Variants in LYST observed in about 807,000 individuals in gnomAD.
The protein encoded by LYST is lysosomal-trafficking regulator.
A neutral mutation model predicts 413.6 loss-of-function variants in LYST; 192 were observed. The ratio of observed to expected loss-of-function variants is 0.46; its 90% CI spans 0.41 to 0.52. LYST has a LOEUF of 0.52. Among genes scored for constraint, LYST ranks in the 20% least tolerant of loss-of-function variants. The pLI, the probability that LYST is intolerant of heterozygous loss-of-function variation, is 0.00. For synonymous variants in LYST, 1,525 were observed against 1,567.3 expected (o/e 0.97, Z 0.64); for missense variants, 3,815 against 4,499.9 (o/e 0.85, Z 4.35).
intron 47 of LYST, among the ~76,000 whole-genome samples, chr1:235,689,881 T>C (rs1399329809): frequency 1.3e-5 from 2 of 152,256 alleles, no homozygotes; most frequent in African/African-American, 4.8e-5. Flanking sequence ...AACTAACAAG[T>C]CAATTTACTT....
At chr1:235,729,035 A>T (rs981564951) in intron 37 of LYST, among the ~76,000 whole-genome samples, 3 of 152,280 alleles carry the variant, frequency 2.0e-5, no homozygotes, top group African/African-American at 7.2e-5. Flanking sequence ...GGGTTCTCAC[A>T]CTTGGAGAAC....
intron 14 of LYST, 42 bp from the exon 15 acceptor site, chr1:235,782,129 A>G (rs1669929110): frequency 6.5e-7 from 1 of 1,536,692 alleles, no homozygotes; most frequent in Non-Finnish European, 8.9e-7. Context: ...TGACTTTAGG[A>G]AGTCTAGTAC....
At chr1:235,725,290 C>T (rs1451542696) in intron 38 of LYST, among the ~76,000 whole-genome samples, 4 of 151,820 alleles carry the variant, frequency 2.6e-5, no homozygotes, top group East Asian at 1.9e-4. Context: ...AAAAATTAGT[C>T]GGGAGTGATG....
intron 3 of LYST, among the ~76,000 whole-genome samples, chr1:235,820,500 G>T (rs1674637262): frequency 6.6e-6 from 1 of 151,924 alleles, no homozygotes; most frequent in Non-Finnish European, 1.5e-5. Context: ...CTCCCAAGTA[G>T]CTGGGACTAC....
intron 31 of LYST, chr1:235,738,189 G>A (rs1423381329): frequency 2.5e-5 from 41 of 1,610,028 alleles, no homozygotes; most frequent in Non-Finnish European, 3.4e-5. Flanking sequence ...CGAGATGATG[G>A]ATCTCCACCA....
chr1:235,804,412 C>G, intron 7 of LYST, 92 bp downstream of exon 7: 1 of 979,396 alleles, frequency 1.0e-6, no homozygotes, highest in Non-Finnish European at 1.6e-6. Flanking sequence ...TCCATATGCT[C>G]TAATGACATT....
intron 10 of LYST, among the ~76,000 whole-genome samples, chr1:235,796,959 T>C (rs1486275265): frequency 6.6e-6 from 1 of 152,054 alleles, no homozygotes; most frequent in Non-Finnish European, 1.5e-5. Flanking sequence ...ATAGATATAA[T>C]TAAAAAGGCA....
chr1:235,755,428 G>GA (rs753101023), intron 25 of LYST, 50 bp downstream of exon 25: 1 of 1,227,672 alleles, frequency 8.1e-7, no homozygotes, highest in East Asian at 2.3e-5. Flanking sequence ...GAAAAGAAAA[G>GA]AAAAAAGACA....
chr1:235,799,350 C>A (rs1273541988), intron 10 of LYST, among the ~76,000 whole-genome samples: 1 of 152,082 alleles, frequency 6.6e-6, no homozygotes, highest in Non-Finnish European at 1.5e-5. Context: ...TATCTCCCCA[C>A]AAGATACTTA....
In LYST at chr1:235,661,618, A is replaced by T. The variant is rs1658052616; in HGVS notation, c.*1322T>A. The T allele has an allele frequency of 6.6e-6, 1 of 152,660 alleles. No individual in the cohort carries two copies. 9.5% of individuals were successfully genotyped at this position (152,660 alleles called of 1,614,324 possible). A position where few individuals can be genotyped will look rare whatever the true frequency, so the allele number is the denominator to read the frequency against. On this transcript the variant is annotated 3_prime_UTR_variant, in exon 53 of 53. Transcript: ENST00000389793. ...TATATTTTATATGGTTTTTAAGCAG[A>T]ATGTTTTAGAAAGTCTGGAAGTTAC...
intron 1 of LYST, among the ~76,000 whole-genome samples, chr1:235,864,261 A>G (rs1258094349): frequency 6.6e-6 from 1 of 152,120 alleles, no homozygotes; most frequent in East Asian, 1.9e-4. Flanking sequence ...CTTACTTACC[A>G]TTCTTAAACA....
rs1008625791 is a variant in LYST, at chr1:235,746,191, C to T, written c.7972+145G>A. On this transcript the variant is annotated intron_variant, in intron 29 of 52. Coordinates refer to ENST00000389793, the MANE Select transcript of LYST (RefSeq NM_000081.4). ...GACTTTTATTCAAGACTTATCAGTT[C>T]CAAATAAGAAACTCTTAATACTATG... The T allele has an allele frequency of 1.6e-5, 11 of 703,144 alleles. No homozygotes were observed. The Admixed American group carries it at 2.8e-4, about 18-fold the overall frequency. The allele number at this position is 703,144 out of a possible 1,614,324, so 43.6% of individuals were successfully genotyped here. A position where few individuals can be genotyped will look rare whatever the true frequency, so the allele number is the denominator to read the frequency against.
intron 8 of LYST, among the ~76,000 whole-genome samples, chr1:235,801,741 TA>T (rs1395296157): frequency 1.3e-5 from 2 of 152,154 alleles, no homozygotes; most frequent in African/African-American, 4.8e-5. Context: ...TGTACTATGG[TA>T]AGCTGTACTA....
chr1:235,783,504 A>G (rs1670083790), intron 14 of LYST, among the ~76,000 whole-genome samples: 1 of 152,178 alleles, frequency 6.6e-6, no homozygotes, highest in African/African-American at 2.4e-5. Flanking sequence ...AAGGGGAGGA[A>G]GAGTATCAGG....
intron 28 of LYST, among the ~76,000 whole-genome samples, chr1:235,749,874 G>C (rs548359738): frequency 6.6e-6 from 1 of 152,272 alleles, no homozygotes; most frequent in East Asian, 1.9e-4. Flanking sequence ...GACTGCTAGA[G>C]AAATCATTGA....
chr1:235,789,757 G>T (rs1670805873), intron 12 of LYST, among the ~76,000 whole-genome samples: 1 of 152,140 alleles, frequency 6.6e-6, no homozygotes, highest in Non-Finnish European at 1.5e-5. Context: ...CAAGATATAT[G>T]ATATACAGAG....
chr1:235,865,326 GCCC>G (rs1334808008), intron 1 of LYST, among the ~76,000 whole-genome samples: 2 of 135,116 alleles, frequency 1.5e-5, no homozygotes, highest in African/African-American at 7.8e-5. Context: ...CCTCTTCCCT[GCCC>G]TCCCTCTTCC....
chr1:235,770,581 G>T (rs1177603123), intron 19 of LYST, among the ~76,000 whole-genome samples: 2 of 151,838 alleles, frequency 1.3e-5, no homozygotes, highest in Non-Finnish European at 2.9e-5. Context: ...TTATCAAGAG[G>T]GATTATTCAA....
rs1361526968 is a variant in LYST, at chr1:235,712,216, A to T, written c.9785-19T>A. On this transcript the variant is annotated intron_variant, in intron 42 of 52. Coordinates refer to ENST00000389793, the MANE Select transcript of LYST (RefSeq NM_000081.4). ...CTTTGATCTATAAAAAAATACAAAT[A>T]ATACGATTAAGACACAAAGACCTAA... is the stretch of plus-strand genomic sequence containing the variant. The T allele has an allele frequency of 3.3e-6, 5 of 1,537,270 alleles. No individual in the cohort carries two copies. The African/African-American group carries it at 6.8e-5, about 21-fold the overall frequency.
Sources: gnomAD v4.1 joint callset for allele counts (sites outside exome capture counted in the v4.1 genomes callset) on GRCh38, gnomAD v4.1.1 for gene constraint, MANE v1.5 for transcripts, NCBI Gene and HGNC (gene_info 2026-07-23, HGNC 2026-07-21) for gene names.